PLPPR1: variants seen among roughly 807,000 people sequenced by gnomAD.
The protein encoded by PLPPR1 is phospholipid phosphatase-related protein type 1.
In PLPPR1, 10 loss-of-function variants were observed where a neutral mutation model predicts 33.1. That is an observed-to-expected ratio of 0.30 (90% confidence interval 0.19 to 0.51). The LOEUF is 0.51. PLPPR1 is among the 20% of genes least tolerant of loss of function. The pLI, the probability that PLPPR1 is intolerant of heterozygous loss-of-function variation, is 0.97. For missense variants in PLPPR1, 304 were observed against 408.1 expected (o/e 0.74, Z 2.20); for synonymous variants, 151 against 151.0 (o/e 1.00, Z 0.00).
chr9:101,068,411 G>A (rs1271850328), intron 1 of PLPPR1, among the ~76,000 whole-genome samples: 1 of 151,812 alleles, frequency 6.6e-6, no homozygotes, highest in Non-Finnish European at 1.5e-5. Context: ...TTGGGAGCAG[G>A]GTTTTCATTC....
chr9:101,259,921 T>G lies in PLPPR1; in HGVS notation c.64-9959T>G, dbSNP rs147337948. Among the ~76,000 whole-genome samples the G allele has an allele frequency of 4.3e-3, 656 of 152,252 alleles. 3 individuals carry two copies. The highest frequency in any genetic ancestry group is 0.015 in the African/African-American group (633 of 41,562). ...GGATGACTTTGAGTTCTGTCTGTCCTTTGTCCACAAGGCAATTCCTTGTGA... is the reference window on the plus strand; with the variant it reads ...GGATGACTTTGAGTTCTGTCTGTCCGTTGTCCACAAGGCAATTCCTTGTGA... On this transcript the variant is annotated intron_variant, in intron 2 of 7. Transcript: ENST00000374874.
At chr9:101,187,269 G>A (rs1271637157) in intron 2 of PLPPR1, 1 of 151,840 alleles carries the variant, frequency 6.6e-6, no homozygotes, top group Non-Finnish European at 1.5e-5. Context: ...TAAAAATCAA[G>A]GAGGAAGCAA....
intron 3 of PLPPR1, among the ~76,000 whole-genome samples, chr9:101,283,997 G>A (rs1057049329): frequency 1.3e-5 from 2 of 152,070 alleles, no homozygotes; most frequent in African/African-American, 4.8e-5. Flanking sequence ...TGGGAATATA[G>A]AGAAAAGGGA....
At chr9:101,290,315 T>A (rs1414972332) in intron 4 of PLPPR1, among the ~76,000 whole-genome samples, 1 of 152,212 alleles carries the variant, frequency 6.6e-6, no homozygotes, top group Non-Finnish European at 1.5e-5. Context: ...CTAATGAACC[T>A]GAAATGGCAT....
At position 101,225,208 on chromosome 9, in the gene PLPPR1, G is replaced by A. The variant is rs888325121; in HGVS notation, c.63+39651G>A. Among the ~76,000 whole-genome samples, 4 of 152,108 alleles carry A rather than the reference G, an allele frequency of 2.6e-5. No homozygotes were observed. In the South Asian group the frequency reaches 8.3e-4, roughly 32 times the overall value. ...TTACCATGAATTTGTGTTTGTGCAG[G>A]AATCTGTCATTTGGACTCATTTAAG... On this transcript the variant is annotated intron_variant, in intron 2 of 7. Transcript: ENST00000374874.
rs536969806 is a variant in PLPPR1, at chr9:101,051,282, C to A, written c.-46+22180C>A. Among the ~76,000 whole-genome samples the A allele has an allele frequency of 2.8e-4, 43 of 152,154 alleles. 1 individual carries two copies. The highest frequency in any genetic ancestry group is 8.7e-4 in the African/African-American group (36 of 41,520). On this transcript the variant is annotated intron_variant, in intron 1 of 7. Coordinates refer to ENST00000374874, the MANE Select transcript of PLPPR1 (RefSeq NM_207299.2). The stretch of plus-strand genomic sequence containing the variant: ...ACTACTACTACTACTACTTCTACTA[C>A]TACTACTACTACCACTACCACTATC...
intron 1 of PLPPR1, among the ~76,000 whole-genome samples, chr9:101,181,439 A>G (rs549444355): frequency 7.9e-5 from 12 of 151,040 alleles, no homozygotes; most frequent in Admixed American, 6.6e-4. Context: ...AATTTATCAT[A>G]TTATCCAGTA....
intron 3 of PLPPR1, among the ~76,000 whole-genome samples, chr9:101,284,125 A>G (rs1828348946): frequency 6.6e-6 from 1 of 152,148 alleles, no homozygotes; most frequent in East Asian, 1.9e-4. Flanking sequence ...CAATCTATAT[A>G]CCACTACTGA....
intron 2 of PLPPR1, among the ~76,000 whole-genome samples, chr9:101,194,495 A>G (rs1826357527): frequency 1.3e-5 from 2 of 152,158 alleles, no homozygotes; most frequent in African/African-American, 4.8e-5. Flanking sequence ...CACACCTGTA[A>G]TCCTCGCACT....
chr9:101,118,532 G>T lies in PLPPR1; in HGVS notation c.-45-66918G>T, dbSNP rs150186065. On this transcript the variant is annotated intron_variant, in intron 1 of 7. Transcript: ENST00000374874. Reference sequence around the variant, plus strand: ...TTCTCTCTCCATGGGTTCTGGGGTTGCACATTGGTTGAGATAAAGATGAAT... The same window carrying T: ...TTCTCTCTCCATGGGTTCTGGGGTTTCACATTGGTTGAGATAAAGATGAAT... Among the ~76,000 whole-genome samples, 96 of 152,288 alleles carry T rather than the reference G, an allele frequency of 6.3e-4. 1 individual carries two copies. The highest frequency in any genetic ancestry group is 2.1e-3 in the African/African-American group (88 of 41,558).
intron 2 of PLPPR1, among the ~76,000 whole-genome samples, chr9:101,263,038 A>G (rs1827928586): frequency 6.6e-6 from 1 of 152,192 alleles, no homozygotes; most frequent in South Asian, 2.1e-4. Flanking sequence ...TAGCATTAGG[A>G]GAAATACCTA....
At chr9:101,281,258 A>C (rs1828298638) in intron 3 of PLPPR1, among the ~76,000 whole-genome samples, 1 of 152,072 alleles carries the variant, frequency 6.6e-6, no homozygotes, top group Non-Finnish European at 1.5e-5. Context: ...CTGATCAAAA[A>C]ATTGAGGACA....
At chr9:101,210,530 A>T (rs970230432) in intron 2 of PLPPR1, among the ~76,000 whole-genome samples, 1 of 152,174 alleles carries the variant, frequency 6.6e-6, no homozygotes, top group Non-Finnish European at 1.5e-5. Context: ...GAGGATTCAT[A>T]GTCTCCAATC....
rs529708509 is a variant in PLPPR1 at position 101,100,298 on chromosome 9, A to G, written c.-46+71196A>G. ...TTGGGGTGGCAGTGATTATTTTGCA[A>G]TGCAAAATTATTTCATCTCCATTTG... On this transcript the variant is annotated intron_variant, in intron 1 of 7. Coordinates refer to ENST00000374874, the MANE Select transcript of PLPPR1 (RefSeq NM_207299.2). 9.2e-5 allele frequency among the ~76,000 whole-genome samples: 14 copies of G among 152,270 alleles called. No individual in the cohort carries two copies. The South Asian group carries it at 2.9e-3, about 32-fold the overall frequency.
At chr9:101,202,161 TA>T (rs1457359289) in intron 2 of PLPPR1, among the ~76,000 whole-genome samples, 7 of 152,206 alleles carry the variant, frequency 4.6e-5, no homozygotes, top group African/African-American at 1.4e-4. Flanking sequence ...TTGCATTGTA[TA>T]AGCAATCACA....
intron 2 of PLPPR1, among the ~76,000 whole-genome samples, chr9:101,213,154 C>A (rs775417757): frequency 6.6e-6 from 1 of 152,142 alleles, no homozygotes; most frequent in Non-Finnish European, 1.5e-5. Flanking sequence ...TTATTCCTAT[C>A]TAATAGTCTA....
chr9:101,276,223 C>T (rs1828188997), intron 3 of PLPPR1, among the ~76,000 whole-genome samples: 1 of 151,892 alleles, frequency 6.6e-6, no homozygotes, highest in Non-Finnish European at 1.5e-5. Context: ...CACATGACTT[C>T]CTTTTTTAAA....
chr9:101,253,307 G>T (rs1484696055), intron 2 of PLPPR1, among the ~76,000 whole-genome samples: 1 of 151,960 alleles, frequency 6.6e-6, no homozygotes, highest in Non-Finnish European at 1.5e-5. Context: ...CAGCACTTTG[G>T]GAGGCCGAGG....
At chr9:101,235,625 T>C (rs1323846073) in intron 2 of PLPPR1, among the ~76,000 whole-genome samples, 2 of 151,898 alleles carry the variant, frequency 1.3e-5, no homozygotes, top group Admixed American at 1.3e-4. Context: ...ACTTGTTGAT[T>C]ATTTCTAAGT....
Sources: gnomAD v4.1 joint callset for allele counts (sites outside exome capture counted in the v4.1 genomes callset) on GRCh38, gnomAD v4.1.1 for gene constraint, MANE v1.5 for transcripts, NCBI Gene and HGNC (gene_info 2026-07-23, HGNC 2026-07-21) for gene names.